Variants in PTPRD observed in about 807,000 individuals in gnomAD.
The protein encoded by PTPRD is protein tyrosine phosphatase receptor type D, also known as receptor-type tyrosine-protein phosphatase delta.
In PTPRD, 34 loss-of-function variants were observed where a neutral mutation model predicts 214.5. The observed-to-expected ratio is 0.16, with a 90% CI of 0.12 to 0.21. The LOEUF (loss-of-function observed/expected upper bound fraction) is 0.21, where lower values mean the gene tolerates loss of function less well. PTPRD is among the 10% of genes least tolerant of loss of function. PTPRD has a pLI of 1.00. For synonymous variants in PTPRD, 1,128 were observed against 845.7 expected, an observed-to-expected ratio of 1.33 and a Z score of -5.79; for missense variants, 2,545 against 2,398.7, an observed-to-expected ratio of 1.06 and a Z score of -1.27.
intron 5 of PTPRD, among the ~76,000 whole-genome samples, chr9:9,774,450 C>T (rs577458670): frequency 4.6e-5 from 7 of 152,240 alleles, no homozygotes; most frequent in Admixed American, 1.3e-4. Context: ...GGTTCAAGCA[C>T]GAGGTTCCAT....
intron 39 of PTPRD, among the ~76,000 whole-genome samples, chr9:8,373,629 GT>G (rs2082206143): frequency 1.6e-5 from 2 of 122,382 alleles, no homozygotes; most frequent in African/African-American, 5.9e-5. Context: ...GTGTGTGTGT[GT>G]GTGTGTGTGT....
chr9:9,185,912 T>C (rs566731845), intron 9 of PTPRD, among the ~76,000 whole-genome samples: 1 of 151,998 alleles, frequency 6.6e-6, no homozygotes, highest in Admixed American at 6.6e-5. Context: ...ACAAGTGCCT[T>C]TCTTTTCAGA....
chr9:10,295,767 G>A (rs960614302), intron 3 of PTPRD, among the ~76,000 whole-genome samples: 2 of 151,986 alleles, frequency 1.3e-5, no homozygotes, highest in Admixed American at 1.3e-4. Context: ...ACCCGGGTGG[G>A]TCCAATCTAT....
chr9:8,805,737 T>C (rs1293734366), intron 11 of PTPRD, among the ~76,000 whole-genome samples: 1 of 151,074 alleles, frequency 6.6e-6, no homozygotes, highest in Non-Finnish European at 1.5e-5. Context: ...GGGTCACACC[T>C]GTAATTCCAG....
intron 10 of PTPRD, among the ~76,000 whole-genome samples, chr9:9,086,295 G>C (rs896956212): frequency 2.6e-5 from 4 of 152,134 alleles, no homozygotes; most frequent in African/African-American, 7.2e-5. Flanking sequence ...AGTAGTTTTA[G>C]TTTTGATATG....
chr9:9,238,642 T>C (rs945256106), intron 9 of PTPRD, among the ~76,000 whole-genome samples: 3 of 152,128 alleles, frequency 2.0e-5, no homozygotes, highest in Admixed American at 6.5e-5. Context: ...CATTTTAGAA[T>C]AAGCTGGGCA....
intron 7 of PTPRD, among the ~76,000 whole-genome samples, chr9:9,651,866 GCT>G (rs1298419574): frequency 8.9e-6 from 1 of 112,390 alleles, no homozygotes; most frequent in African/African-American, 3.6e-5. Flanking sequence ...ATGGAGTCTC[GCT>G]CTGTCACCCA....
In PTPRD at chr9:9,010,862, G is replaced by C. The variant is rs1161317216; in HGVS notation, c.-104+7835C>G. On this transcript the variant is annotated intron_variant, in intron 11 of 45. Transcript: ENST00000381196. The stretch of plus-strand genomic sequence containing the variant: ...GTGATCATTTTTACATGTGAGATGG[G>C]CTAGTGATTGGCAGACAAATATTAT... Among the ~76,000 whole-genome samples the C allele has an allele frequency of 3.3e-5, 5 of 152,114 alleles. No homozygotes were observed. The East Asian group carries it at 9.6e-4, about 29-fold the overall frequency.
chr9:8,646,879 T>A (rs920120018), intron 12 of PTPRD, among the ~76,000 whole-genome samples: 1 of 152,194 alleles, frequency 6.6e-6, no homozygotes, highest in Non-Finnish European at 1.5e-5. Flanking sequence ...CCAGATACTA[T>A]CCCCTAATCC....
intron 6 of PTPRD, among the ~76,000 whole-genome samples, chr9:9,759,704 C>T (rs2098634139): frequency 6.6e-6 from 1 of 151,734 alleles, no homozygotes; most frequent in Non-Finnish European, 1.5e-5. Flanking sequence ...ATTACAGGTG[C>T]CCACCAATAC....
chr9:9,059,893 A>T (rs951982892), intron 10 of PTPRD, among the ~76,000 whole-genome samples: 6 of 152,150 alleles, frequency 3.9e-5, no homozygotes, highest in African/African-American at 1.4e-4. Context: ...TTTTGAAGAG[A>T]AACAGAATAC....
At chr9:10,574,133 A>G (rs2068368347) in intron 2 of PTPRD, among the ~76,000 whole-genome samples, 1 of 152,168 alleles carries the variant, frequency 6.6e-6, no homozygotes, top group Non-Finnish European at 1.5e-5. Flanking sequence ...TAAGACATCT[A>G]TAACAAATAC....
At chr9:10,085,155 G>A (rs981271115) in intron 3 of PTPRD, among the ~76,000 whole-genome samples, 1 of 151,724 alleles carries the variant, frequency 6.6e-6, no homozygotes, top group Non-Finnish European at 1.5e-5. Flanking sequence ...GTAAAATAAT[G>A]TAAAAACCAT....
chr9:9,154,102 T>C (rs960618220), intron 10 of PTPRD, among the ~76,000 whole-genome samples: 1 of 152,258 alleles, frequency 6.6e-6, no homozygotes, highest in Admixed American at 6.5e-5. Context: ...CTTACTGTCA[T>C]CCATGAGAAA....
At chr9:8,630,356 G>A (rs911573941) in intron 14 of PTPRD, among the ~76,000 whole-genome samples, 2 of 151,756 alleles carry the variant, frequency 1.3e-5, no homozygotes, top group African/African-American at 2.4e-5. Context: ...AGCTATTCAT[G>A]ATGTTCAAAG....
chr9:10,483,103 A>T (rs1208432850), intron 2 of PTPRD, among the ~76,000 whole-genome samples: 1 of 152,232 alleles, frequency 6.6e-6, no homozygotes, highest in Non-Finnish European at 1.5e-5. Context: ...TCAATGGAAC[A>T]CAATAGAGAA....
At chr9:10,603,031 T>C (rs2078373589) in intron 2 of PTPRD, among the ~76,000 whole-genome samples, 1 of 151,730 alleles carries the variant, frequency 6.6e-6, no homozygotes, top group East Asian at 1.9e-4. Context: ...TGGTCATGGA[T>C]TATCAAGTAC....
At chr9:9,088,207 G>A (rs770982436) in intron 10 of PTPRD, among the ~76,000 whole-genome samples, 14 of 151,460 alleles carry the variant, frequency 9.2e-5, no homozygotes, top group Non-Finnish European at 1.9e-4. Context: ...TGATTCTTGT[G>A]TCCTCATTCT....
intron 14 of PTPRD, among the ~76,000 whole-genome samples, chr9:8,626,103 A>T (rs1422718341): frequency 6.6e-6 from 1 of 151,886 alleles, no homozygotes; most frequent in Non-Finnish European, 1.5e-5. Flanking sequence ...ATGCATGTAC[A>T]ACTTTTAAAA....
Sources: allele counts gnomAD v4.1 joint callset (sites outside exome capture counted in the v4.1 genomes callset), GRCh38; gene constraint gnomAD v4.1.1; transcripts MANE v1.5; gene names NCBI Gene and HGNC (gene_info 2026-07-23, HGNC 2026-07-21).